TMPRSS7: variants seen among roughly 807,000 people sequenced by gnomAD.
The protein encoded by TMPRSS7 is transmembrane protease serine 7.
Under a neutral mutation model 95.6 loss-of-function variants are expected in TMPRSS7, and 81 were observed. That is an observed-to-expected ratio of 0.85 (90% CI 0.71 to 1.02). TMPRSS7 has a LOEUF of 1.02. Among genes scored for constraint, TMPRSS7 ranks in the 50% least tolerant of loss-of-function variants. The pLI is 0.00. For missense variants in TMPRSS7, 945 were observed against 955.2 expected, an observed-to-expected ratio of 0.99 and a Z score of 0.14; for synonymous variants, 364 against 337.8, an observed-to-expected ratio of 1.08 and a Z score of -0.85.
At chr3:112,060,998 C>T (rs1469704974) in intron 10 of TMPRSS7, among the ~76,000 whole-genome samples, 2 of 152,166 alleles carry the variant, frequency 1.3e-5, no homozygotes, top group African/African-American at 2.4e-5. Flanking sequence ...TCCCTCCATT[C>T]AGGGTCCCTG....
chr3:112,047,854 C>A, exon 7 of TMPRSS7: 2 of 1,614,166 alleles, frequency 1.2e-6, no homozygotes, highest in Admixed American at 3.3e-5. Context: ...CCATAGTGGG[C>A]TACCTGATTC....
Position 112,063,637 on chromosome 3 carries a change from GTATTCAAGATTT to G in TMPRSS7, c.1555+8_1555+19del. On this transcript the variant is annotated splice_donor_region_variant and intron_variant, in intron 12 of 17. Transcript: ENST00000452346. ...AAAGTGATGAACTGTTTTGCGGTGG[GTATTCAAGATTT>G]TAATATGACTTTCTTATGAATAAGT... is the stretch of plus-strand genomic sequence containing the variant. The G allele has an allele frequency of 1.9e-6, 3 of 1,610,754 alleles. No individual in the cohort carries two copies. The highest frequency in any genetic ancestry group is 2.5e-6 in the Non-Finnish European group (3 of 1,177,048).
intron 1 of TMPRSS7, among the ~76,000 whole-genome samples, chr3:112,037,373 G>T (rs1037489498): frequency 6.6e-6 from 1 of 152,202 alleles, no homozygotes; most frequent in Admixed American, 6.5e-5. Context: ...GTCTCCTGCA[G>T]CACCCCCAGG....
Position 112,057,272 on chromosome 3 carries a change from A to C in TMPRSS7, c.1310+141A>C, listed in dbSNP as rs1022304860. Reference sequence around the variant, plus strand: ...GATATAGGAGTTATGTAACTTGCTCAAGGCCATGCAGCTCATGAGTGATGG... The same window carrying C: ...GATATAGGAGTTATGTAACTTGCTCCAGGCCATGCAGCTCATGAGTGATGG... On this transcript the variant is annotated intron_variant, in intron 10 of 17. Transcript: ENST00000452346. 47 of 615,782 alleles carry C rather than the reference A, an allele frequency of 7.6e-5. No homozygotes were observed. The African/African-American group carries it at 8.2e-4, about 11-fold the overall frequency. The allele number at this position is 615,782 out of a possible 1,614,324, so 38.1% of individuals were successfully genotyped here.
chr3:112,081,092 A>G, exon 18 of TMPRSS7: 4 of 1,588,468 alleles, frequency 2.5e-6, no homozygotes, highest in Non-Finnish European at 3.4e-6. Flanking sequence ...TAATTGTACC[A>G]GTTGTATTTT....
intron 10 of TMPRSS7, among the ~76,000 whole-genome samples, chr3:112,059,904 G>A (rs866481469): frequency 1.7e-4 from 26 of 152,298 alleles, no homozygotes; most frequent in African/African-American, 5.5e-4. Context: ...AGAGTAATTG[G>A]CATCACAGGT....
intron 1 of TMPRSS7, among the ~76,000 whole-genome samples, chr3:112,036,917 G>A (rs2073153348): frequency 6.6e-6 from 1 of 152,152 alleles, no homozygotes; most frequent in African/African-American, 2.4e-5. Flanking sequence ...AGAGTTCATG[G>A]ACATTTATCA....
chr3:112,063,906 T>C (rs2073543806), intron 12 of TMPRSS7, among the ~76,000 whole-genome samples: 1 of 152,176 alleles, frequency 6.6e-6, no homozygotes, highest in Non-Finnish European at 1.5e-5. Flanking sequence ...TGGAATCAGC[T>C]CTACTTTTGA....
chr3:112,055,317 A>G (rs539415552), intron 9 of TMPRSS7, among the ~76,000 whole-genome samples: 12 of 152,246 alleles, frequency 7.9e-5, no homozygotes, highest in African/African-American at 2.9e-4. Flanking sequence ...TGGGATTCAC[A>G]CTACCTGCAC....
At position 112,050,695 on chromosome 3, in the gene TMPRSS7, A is replaced by G. The variant is rs188312204; in HGVS notation, c.1115A>G (p.Lys372Arg). ...GAGTGTGAAAACACAGTGTTGGTCA[A>G]AGACATCACTGGCTTTGAAGGGAAA... The change falls in exon 9 of 18, where the codon AAA (lysine) becomes AGA (arginine). Residue 372 changes from lysine (K) to arginine (R), a missense_variant. Transcript: ENST00000452346. The G allele has an allele frequency of 4.4e-6, 7 of 1,605,236 alleles. No homozygotes were observed. In the African/African-American group the frequency reaches 9.4e-5, roughly 21 times the overall value.
intron 2 of TMPRSS7, among the ~76,000 whole-genome samples, chr3:112,038,779 G>T (rs2073177076): frequency 6.6e-6 from 1 of 151,894 alleles, no homozygotes; most frequent in African/African-American, 2.4e-5. Flanking sequence ...ATGGTGCCCG[G>T]CCTGGTGTTG....
intron 15 of TMPRSS7, 51 bp from the exon 16 acceptor site, chr3:112,076,825 G>A (rs562072301): frequency 1.3e-6 from 2 of 1,586,158 alleles, no homozygotes; most frequent in East Asian, 2.2e-5. Flanking sequence ...TTTGCAAACT[G>A]TATGTGGTTC....
intron 9 of TMPRSS7, among the ~76,000 whole-genome samples, chr3:112,054,675 T>C (rs995189162): frequency 6.7e-6 from 1 of 149,632 alleles, no homozygotes; most frequent in African/African-American, 2.4e-5. Flanking sequence ...GAAGATGTTC[T>C]TACATTATAA....
At chr3:112,070,038 C>T (rs937429795) in intron 13 of TMPRSS7, among the ~76,000 whole-genome samples, 4 of 152,200 alleles carry the variant, frequency 2.6e-5, no homozygotes, top group African/African-American at 9.7e-5. Flanking sequence ...TCTTTGTTCT[C>T]ATTAGTTTCA....
At chr3:112,050,317 A>G (rs2107742881) in intron 8 of TMPRSS7, among the ~76,000 whole-genome samples, 1 of 152,228 alleles carries the variant, frequency 6.6e-6, no homozygotes, top group South Asian at 2.1e-4. Context: ...AGCTTAGAGG[A>G]GGGAATATGA....
At chr3:112,061,957 ATACT>A in intron 11 of TMPRSS7, 34 bp downstream of exon 11, 1 of 1,556,700 alleles carries the variant, frequency 6.4e-7, no homozygotes, top group Non-Finnish European at 8.7e-7. Flanking sequence ...GGAAAACTTA[ATACT>A]TACATAGAGG....
chr3:112,074,317 C>G (rs953277298), exon 14 of TMPRSS7: 1 of 1,613,842 alleles, frequency 6.2e-7, no homozygotes, highest in Non-Finnish European at 8.5e-7. Context: ...AACAACAGAA[C>G]TTTTAAGTGT....
At chr3:112,065,626 T>A (rs2073567387) in intron 12 of TMPRSS7, among the ~76,000 whole-genome samples, 1 of 152,206 alleles carries the variant, frequency 6.6e-6, no homozygotes, top group Non-Finnish European at 1.5e-5. Context: ...AGGGACCTAA[T>A]GAACAATTTT....
intron 13 of TMPRSS7, among the ~76,000 whole-genome samples, chr3:112,068,328 G>A (rs1184620455): frequency 1.3e-5 from 2 of 152,162 alleles, no homozygotes; most frequent in Admixed American, 6.5e-5. Context: ...GGTTCCATAT[G>A]AACTTAAAGT....
Sources: gnomAD v4.1 joint callset for allele counts (sites outside exome capture counted in the v4.1 genomes callset) on GRCh38, gnomAD v4.1.1 for gene constraint, MANE v1.5 for transcripts, NCBI Gene and HGNC (gene_info 2026-07-23, HGNC 2026-07-21) for gene names.